NAALADL2: variants seen among roughly 807,000 people sequenced by gnomAD.
NAALADL2 encodes the protein N-acetylated alpha-linked acidic dipeptidase like 2.
A neutral mutation model predicts 87.2 loss-of-function variants in NAALADL2; 76 were observed. That is an observed-to-expected ratio of 0.87 (90% CI 0.72 to 1.05). The LOEUF (loss-of-function observed/expected upper bound fraction) is 1.05. Among genes scored for constraint, NAALADL2 ranks in the 50% least tolerant of loss-of-function variants. The pLI, the probability that NAALADL2 is intolerant of heterozygous loss-of-function variation, is 0.00. For missense variants in NAALADL2, 1,089 were observed against 945.8 expected (o/e 1.15, Z -1.99); for synonymous variants, 354 against 331.0 (o/e 1.07, Z -0.75).
intron 9 of NAALADL2, among the ~76,000 whole-genome samples, chr3:175,489,793 C>G (rs1374683690): frequency 1.3e-5 from 2 of 152,132 alleles, no homozygotes; most frequent in East Asian, 1.9e-4. Flanking sequence ...TTTGAGTCTT[C>G]TACTCCAAAA....
chr3:175,039,764 G>A (rs1431276630), intron 1 of NAALADL2, among the ~76,000 whole-genome samples: 1 of 152,116 alleles, frequency 6.6e-6, no homozygotes, highest in Non-Finnish European at 1.5e-5. Context: ...CAAGAGTTTA[G>A]TATACAGTAG....
chr3:174,920,672 CT>C (rs1304763020), intron 1 of NAALADL2, among the ~76,000 whole-genome samples: 1 of 152,124 alleles, frequency 6.6e-6, no homozygotes, highest in African/African-American at 2.4e-5. Flanking sequence ...CTTTTAATTT[CT>C]TTTATGAACT....
intron 5 of NAALADL2, among the ~76,000 whole-genome samples, chr3:175,351,304 A>G (rs1320787042): frequency 1.3e-5 from 2 of 152,082 alleles, no homozygotes; most frequent in African/African-American, 2.4e-5. Context: ...TTGACACTAT[A>G]TATATGTTCA....
At chr3:175,443,395 T>TA (rs1720137863) in intron 5 of NAALADL2, among the ~76,000 whole-genome samples, 1 of 152,186 alleles carries the variant, frequency 6.6e-6, no homozygotes, top group Non-Finnish European at 1.5e-5. Flanking sequence ...TTTATTAACA[T>TA]AAATATATCT....
chr3:175,373,477 C>T (rs1766751046), intron 5 of NAALADL2, among the ~76,000 whole-genome samples: 1 of 152,056 alleles, frequency 6.6e-6, no homozygotes, highest in Admixed American at 6.5e-5. Flanking sequence ...AAAATTCATC[C>T]ATGTTGTGTT....
chr3:174,765,767 G>A (rs1194652294), intron 3 of NAALADL2, among the ~76,000 whole-genome samples: 1 of 152,130 alleles, frequency 6.6e-6, no homozygotes, highest in African/African-American at 2.4e-5. Flanking sequence ...ACATGAGAAA[G>A]TGTTTGCATT....
rs1719080815 is a variant in NAALADL2 at position 174,504,356 on chromosome 3, A to T, written c.-183-46213A>T. Among the ~76,000 whole-genome samples the T allele has an allele frequency of 2.0e-5, 3 of 152,128 alleles. No individual in the cohort carries two copies. The South Asian group carries it at 6.2e-4, about 32-fold the overall frequency. ...TCCTTATTAAGGAATATGGAGTGAT[A>T]CACTGGGGATATTAAATGGTTTTTC... On this transcript the variant is annotated intron_variant, in intron 1 of 3. Transcript: ENST00000434257.
chr3:174,930,740 G>T (rs1736764803), intron 1 of NAALADL2, among the ~76,000 whole-genome samples: 1 of 147,302 alleles, frequency 6.8e-6, no homozygotes, highest in Non-Finnish European at 1.5e-5. Flanking sequence ...TCCTGCCTCA[G>T]CCTCCCAAAT....
intron 5 of NAALADL2, among the ~76,000 whole-genome samples, chr3:175,376,694 T>C (rs1767167322): frequency 6.6e-6 from 1 of 152,178 alleles, no homozygotes; most frequent in Non-Finnish European, 1.5e-5. Flanking sequence ...ATTTTTATAC[T>C]CAAATATTTT....
chr3:175,099,816 A>G (rs1053911244), intron 2 of NAALADL2, among the ~76,000 whole-genome samples: 1 of 152,178 alleles, frequency 6.6e-6, no homozygotes, highest in African/African-American at 2.4e-5. Context: ...CTATAAGAGA[A>G]TGGACTAAAC....
At chr3:175,449,707 A>G (rs1194658777) in intron 6 of NAALADL2, among the ~76,000 whole-genome samples, 2 of 152,088 alleles carry the variant, frequency 1.3e-5, no homozygotes, top group African/African-American at 2.4e-5. Flanking sequence ...TTTTCTTCTT[A>G]ATATGCAGAA....
intron 3 of NAALADL2, among the ~76,000 whole-genome samples, chr3:174,813,159 G>A (rs9861969): frequency 0.023 from 3,548 of 152,178 alleles, 99 homozygotes; most frequent in African/African-American, 0.061. Flanking sequence ...CAGGTGTACT[G>A]TTCTCTTCTT....
chr3:175,587,353 G>C (rs557887113), intron 10 of NAALADL2, among the ~76,000 whole-genome samples: 1 of 152,100 alleles, frequency 6.6e-6, no homozygotes, highest in East Asian at 1.9e-4. Flanking sequence ...ATGTTAAAGG[G>C]TCAACAGTAT....
chr3:175,646,127 T>C (rs1454693515), intron 11 of NAALADL2, among the ~76,000 whole-genome samples: 1 of 152,150 alleles, frequency 6.6e-6, no homozygotes, highest in Non-Finnish European at 1.5e-5. Flanking sequence ...CCATCTTTTT[T>C]GTCTTTTTCA....
At chr3:175,217,360 A>G (rs1404332967) in intron 2 of NAALADL2, among the ~76,000 whole-genome samples, 1 of 152,206 alleles carries the variant, frequency 6.6e-6, no homozygotes, top group Non-Finnish European at 1.5e-5. Flanking sequence ...TTCCAAAAAT[A>G]TCAGGCAAAA....
intron 2 of NAALADL2, among the ~76,000 whole-genome samples, chr3:174,588,584 T>C (rs952762618): frequency 6.6e-6 from 1 of 152,194 alleles, no homozygotes; most frequent in African/African-American, 2.4e-5. Context: ...TTTGTTAGTT[T>C]TCCTTCTAAC....
chr3:174,524,105 C>T (rs1720512683), intron 1 of NAALADL2, among the ~76,000 whole-genome samples: 1 of 151,870 alleles, frequency 6.6e-6, no homozygotes, highest in Non-Finnish European at 1.5e-5. Flanking sequence ...TATGATTGTG[C>T]ATAATGTCAT....
At chr3:175,621,055 G>A (rs930526806) in intron 10 of NAALADL2, among the ~76,000 whole-genome samples, 2 of 152,164 alleles carry the variant, frequency 1.3e-5, no homozygotes, top group African/African-American at 2.4e-5. Context: ...GCATTATTCG[G>A]AAACGACCAG....
chr3:175,573,101 A>G (rs1718334517), intron 9 of NAALADL2, among the ~76,000 whole-genome samples: 1 of 152,226 alleles, frequency 6.6e-6, no homozygotes, highest in African/African-American at 2.4e-5. Flanking sequence ...AATTTTTAAT[A>G]GGCACATATT....
Sources: allele counts gnomAD v4.1 joint callset (sites outside exome capture counted in the v4.1 genomes callset), GRCh38; gene constraint gnomAD v4.1.1; transcripts MANE v1.5; gene names NCBI Gene and HGNC (gene_info 2026-07-23, HGNC 2026-07-21).